TXNDC15: variants seen among roughly 807,000 people sequenced by gnomAD.
TXNDC15 encodes thioredoxin domain-containing protein 15.
A neutral mutation model predicts 35.0 loss-of-function variants in TXNDC15; 24 were observed. The ratio of observed to expected loss-of-function variants is 0.68; its 90% CI spans 0.50 to 0.96. TXNDC15 has a LOEUF of 0.96. TXNDC15 is among the 40% of genes least tolerant of loss of function. TXNDC15 has a pLI of 0.00. For synonymous variants in TXNDC15, 169 were observed against 174.0 expected, an observed-to-expected ratio of 0.97 and a Z score of 0.23; for missense variants, 385 against 453.3, an observed-to-expected ratio of 0.85 and a Z score of 1.37.
Position 134,888,200 on chromosome 5 carries a change from A to G in TXNDC15, c.591+18A>G. ...TGTCACAGGTAAGGAAAAATTATTT[A>G]GTGCTTTTCTCCTTTTCAGTACATT... On this transcript the variant is annotated intron_variant, in intron 2 of 4. Transcript: ENST00000358387. 6.3e-7 allele frequency: 1 copy of G among 1,579,748 alleles called. No individual in the cohort carries two copies. Among genetic ancestry groups the G allele is most frequent in the Non-Finnish European group, 8.6e-7 (1 of 1,159,754 alleles).
chr5:134,882,606 G>A (rs1750179477), intron 1 of TXNDC15, among the ~76,000 whole-genome samples: 1 of 152,264 alleles, frequency 6.6e-6, no homozygotes, highest in Non-Finnish European at 1.5e-5. Flanking sequence ...GGGAGGCCGA[G>A]GCTGGCGGAT....
intron 3 of TXNDC15, among the ~76,000 whole-genome samples, chr5:134,894,969 T>A (rs1413777002): frequency 6.6e-6 from 1 of 151,576 alleles, no homozygotes; most frequent in Non-Finnish European, 1.5e-5. Flanking sequence ...AGCCCAAGAG[T>A]TTGAGACCAG....
At chr5:134,881,926 G>T (rs1179410381) in intron 1 of TXNDC15, among the ~76,000 whole-genome samples, 1 of 151,064 alleles carries the variant, frequency 6.6e-6, no homozygotes, top group African/African-American at 2.4e-5. Context: ...CGGACGGGGC[G>T]GCTGGCCAGG....
Position 134,877,760 on chromosome 5 carries a change from A to G in TXNDC15, c.103+3230A>G, listed in dbSNP as rs1048435862. ...GTAGCTGGGATTACAGGCATGCGCC[A>G]CCATGCCTGGCTAATTTTTTTTTTT... On this transcript the variant is annotated intron_variant, in intron 1 of 4. Transcript: ENST00000358387. Among the ~76,000 whole-genome samples the G allele has an allele frequency of 2.0e-5, 3 of 148,942 alleles. 1 individual carries two copies. Among genetic ancestry groups the G allele is most frequent in the Admixed American group, 1.3e-4 (2 of 14,974 alleles).
At chr5:134,880,614 T>G (rs970810793) in intron 1 of TXNDC15, among the ~76,000 whole-genome samples, 5 of 152,014 alleles carry the variant, frequency 3.3e-5, no homozygotes, top group African/African-American at 9.7e-5. Context: ...TTTTTTTTTT[T>G]GTATTTTTAG....
intron 1 of TXNDC15, among the ~76,000 whole-genome samples, chr5:134,880,778 G>A (rs763929490): frequency 6.6e-6 from 1 of 151,788 alleles, no homozygotes; most frequent in Non-Finnish European, 1.5e-5. Context: ...AGATGGAGTC[G>A]CACTCTTGCT....
chr5:134,876,773 A>T (rs1193264201), intron 1 of TXNDC15, among the ~76,000 whole-genome samples: 3 of 143,944 alleles, frequency 2.1e-5, no homozygotes, highest in Non-Finnish European at 1.5e-5. Context: ...CCACTGGCAG[A>T]TTATGCTGGC....
chr5:134,898,462 T>G (rs972908406), intron 4 of TXNDC15, among the ~76,000 whole-genome samples: 2 of 152,230 alleles, frequency 1.3e-5, no homozygotes, highest in Non-Finnish European at 2.9e-5. Context: ...CTTCCCAAAG[T>G]ATGCTCACTG....
At chr5:134,883,573 G>A (rs1267675857) in intron 1 of TXNDC15, among the ~76,000 whole-genome samples, 2 of 126,796 alleles carry the variant, frequency 1.6e-5, no homozygotes, top group Non-Finnish European at 3.1e-5. Context: ...GGGTGACAGA[G>A]CGAGACCCTG....
intron 2 of TXNDC15, among the ~76,000 whole-genome samples, chr5:134,889,053 T>C (rs1750335337): frequency 1.3e-5 from 2 of 152,174 alleles, no homozygotes; most frequent in Admixed American, 6.5e-5. Context: ...ACAGCACCTG[T>C]AGTGCACATA....
rs558907561 is a variant in TXNDC15, at chr5:134,887,947, C to T, written c.356C>T (p.Ala119Val). 39 of 1,614,184 alleles carry T rather than the reference C, an allele frequency of 2.4e-5. No individual in the cohort carries two copies. In the Admixed American group the frequency reaches 2.8e-4, roughly 12 times the overall value. Residue 119 changes from alanine to valine, a missense_variant, in exon 2 of 5, where the codon GCG becomes GTG. Ala to Val is a moderately conservative substitution (Grantham distance 64, BLOSUM62 0). Transcript: ENST00000358387. ...GGCGTCACCTGTGGTGCTGGAGGAG[C>T]GGAGGACTCAAGGTGCAACGTCCGA... ...PSGVTCGAGG[A>V]EDSRCNVRES...
At chr5:134,882,723 G>T (rs1013230068) in intron 1 of TXNDC15, among the ~76,000 whole-genome samples, 14 of 152,054 alleles carry the variant, frequency 9.2e-5, no homozygotes, top group African/African-American at 1.2e-4. Flanking sequence ...GCCTGCAATC[G>T]CAGGCACTCG....
At chr5:134,875,261 C>T (rs1365421123) in intron 1 of TXNDC15, 4 of 456,068 alleles carry the variant, frequency 8.8e-6, no homozygotes, top group Non-Finnish European at 1.3e-5. Flanking sequence ...CTCCTTCACC[C>T]CACTCCTCAT....
intron 3 of TXNDC15, among the ~76,000 whole-genome samples, chr5:134,894,010 A>G (rs372680547): frequency 2.0e-5 from 3 of 152,254 alleles, no homozygotes; most frequent in Admixed American, 6.5e-5. Context: ...TTTAAGGCGC[A>G]GGTTAAATCC....
upstream of TXNDC15, chr5:134,874,161 G>A: frequency 2.5e-6 from 1 of 404,006 alleles, no homozygotes. Flanking sequence ...CTCTGCCAGA[G>A]CCATGCTCTG....
intron 2 of TXNDC15, among the ~76,000 whole-genome samples, chr5:134,889,187 C>T (rs1158708794): frequency 6.6e-6 from 1 of 152,184 alleles, no homozygotes; most frequent in Non-Finnish European, 1.5e-5. Flanking sequence ...TTTAAACAGT[C>T]TGAGTTATGG....
intron 1 of TXNDC15, among the ~76,000 whole-genome samples, chr5:134,883,964 A>G (rs1750219212): frequency 6.6e-6 from 1 of 151,558 alleles, no homozygotes; most frequent in South Asian, 2.1e-4. Flanking sequence ...CATGCCTGCA[A>G]TCCCAGCATT....
At chr5:134,879,278 G>A (rs950755941) in intron 1 of TXNDC15, among the ~76,000 whole-genome samples, 8 of 152,134 alleles carry the variant, frequency 5.3e-5, no homozygotes, top group African/African-American at 1.9e-4. Context: ...TTTGTGCAGG[G>A]GCTATCTGAG....
intron 4 of TXNDC15, among the ~76,000 whole-genome samples, chr5:134,898,794 G>A (rs1750543966): frequency 6.6e-6 from 1 of 152,172 alleles, no homozygotes; most frequent in African/African-American, 2.4e-5. Context: ...GCATTTTGGG[G>A]CTGGGTGCGG....
Sources: allele counts gnomAD v4.1 joint callset (sites outside exome capture counted in the v4.1 genomes callset), GRCh38; gene constraint gnomAD v4.1.1; transcripts MANE v1.5; gene names NCBI Gene and HGNC (gene_info 2026-07-23, HGNC 2026-07-21).